Variants in HS3ST1 observed in about 807,000 individuals in gnomAD.
The protein encoded by HS3ST1 is heparan sulfate-glucosamine 3-sulfotransferase 1.
A neutral mutation model predicts 20.7 loss-of-function variants in HS3ST1; 8 were observed. That is an observed-to-expected ratio of 0.39 (90% CI 0.23 to 0.70). HS3ST1 has a LOEUF of 0.70. Ranked by LOEUF, HS3ST1 falls within the 30% of genes least tolerant of loss-of-function variation. The pLI, the probability that HS3ST1 is intolerant of heterozygous loss-of-function variation, is 0.46. For synonymous variants in HS3ST1, 205 were observed against 190.4 expected (o/e 1.08, Z -0.63); for missense variants, 436 against 423.4 (o/e 1.03, Z -0.26).
intron 1 of HS3ST1, among the ~76,000 whole-genome samples, chr4:11,413,015 T>C (rs1000357643): frequency 6.6e-6 from 1 of 152,026 alleles, no homozygotes; most frequent in Admixed American, 6.5e-5. Flanking sequence ...CAAGGAGAAT[T>C]CAGCAGGGGC....
chr4:11,414,304 T>A (rs556673519), intron 1 of HS3ST1: 1 of 151,862 alleles, frequency 6.6e-6, no homozygotes, highest in Admixed American at 6.6e-5. Flanking sequence ...TCTCTTTGAG[T>A]GTGTGTGTGT....
At position 11,393,317 on chromosome 4, in the gene HS3ST1, G is replaced by A. The variant is rs1474196899; in HGVS notation, c.*5765C>T. On this transcript the variant is annotated 3_prime_UTR_variant, in exon 2 of 2. Coordinates refer to ENST00000002596, the MANE Select transcript of HS3ST1 (RefSeq NM_005114.4). ...TTGGTAGTCCGATAAGCTAATAAAA[G>A]AGCCTACTACTTGGTAACAATTTCA... is the stretch of plus-strand genomic sequence containing the variant. The A allele has an allele frequency of 6.6e-6, 1 of 152,180 alleles. No individual in the cohort carries two copies. Among genetic ancestry groups the A allele is most frequent in the African/African-American group, 2.4e-5 (1 of 41,452 alleles). The allele number at this position is 152,180 out of a possible 1,614,324, so 9.4% of individuals were successfully genotyped here. A position where few individuals can be genotyped will look rare whatever the true frequency, so the allele number is the denominator to read the frequency against.
intron 1 of HS3ST1, among the ~76,000 whole-genome samples, chr4:11,426,456 G>C (rs993427592): frequency 4.6e-5 from 7 of 151,962 alleles, no homozygotes; most frequent in Non-Finnish European, 1.0e-4. Context: ...GGGACCCAGG[G>C]GGGGGGCTTG....
At chr4:11,423,583 G>C (rs544474994) in intron 1 of HS3ST1, among the ~76,000 whole-genome samples, 2 of 152,280 alleles carry the variant, frequency 1.3e-5, no homozygotes, top group African/African-American at 4.8e-5. Context: ...TCTGCTGGAA[G>C]ATAAGCACAA....
At position 11,398,913 on chromosome 4, in the gene HS3ST1, G is replaced by C; in HGVS notation, c.*169C>G. On this transcript the variant is annotated 3_prime_UTR_variant, in exon 2 of 2. Coordinates refer to ENST00000002596, the MANE Select transcript of HS3ST1 (RefSeq NM_005114.4). ...CAAAATGCCCTCCATTTAACAAGTA[G>C]AAAAATATAACTAGTATATATGGCA... 1.8e-6 allele frequency: 1 copy of C among 569,548 alleles called. No homozygotes were observed. The highest frequency in any genetic ancestry group is 3.0e-6 in the Non-Finnish European group (1 of 338,798). 35.3% of individuals were successfully genotyped at this position (569,548 alleles called of 1,614,324 possible).
chr4:11,402,363 G>T (rs1411799925), intron 1 of HS3ST1, among the ~76,000 whole-genome samples: 1 of 152,216 alleles, frequency 6.6e-6, no homozygotes, highest in Admixed American at 6.5e-5. Context: ...TGAGGTTTCA[G>T]GTTGGTTCTA....
chr4:11,410,257 G>T (rs977800313), intron 1 of HS3ST1, among the ~76,000 whole-genome samples: 4 of 152,124 alleles, frequency 2.6e-5, no homozygotes, highest in Admixed American at 2.6e-4. Context: ...AGGAATGAAT[G>T]ACTAGACCTC....
chr4:11,426,979 T>C (rs1263500331), intron 1 of HS3ST1, among the ~76,000 whole-genome samples: 3 of 152,200 alleles, frequency 2.0e-5, no homozygotes. Context: ...TTATTCTAAT[T>C]GCACCCAGTG....
chr4:11,410,764 C>T (rs570236359), intron 1 of HS3ST1, among the ~76,000 whole-genome samples: 17 of 152,010 alleles, frequency 1.1e-4, no homozygotes, highest in Non-Finnish European at 1.9e-4. Flanking sequence ...TGGTGGCACA[C>T]GCCTGTAATC....
In HS3ST1 at chr4:11,394,970, T is replaced by C. The variant is rs906198180; in HGVS notation, c.*4112A>G. On this transcript the variant is annotated 3_prime_UTR_variant, in exon 2 of 2. Transcript: ENST00000002596. Reference sequence around the variant, plus strand: ...CAGGAGCCAAATTCACATGGGTGCCTGCTAAGTAAGCTTCCAACACTCCAG... The same window carrying C: ...CAGGAGCCAAATTCACATGGGTGCCCGCTAAGTAAGCTTCCAACACTCCAG... 2.0e-5 allele frequency: 3 copies of C among 152,216 alleles called. No homozygotes were observed. Among genetic ancestry groups the C allele is most frequent in the African/African-American group, 7.2e-5 (3 of 41,458 alleles). 9.4% of individuals were successfully genotyped at this position (152,216 alleles called of 1,614,324 possible). A position where few individuals can be genotyped will look rare whatever the true frequency, so the allele number is the denominator to read the frequency against.
chr4:11,393,824 G>T lies in HS3ST1; in HGVS notation c.*5258C>A, dbSNP rs962876581. Reference sequence around the variant, plus strand: ...ATGCCCTAACCCTAGGAAAGCAGGGGAGTGGGGTGGACAACATTTCTCAGG... The same window carrying T: ...ATGCCCTAACCCTAGGAAAGCAGGGTAGTGGGGTGGACAACATTTCTCAGG... On this transcript the variant is annotated 3_prime_UTR_variant, in exon 2 of 2. Coordinates refer to ENST00000002596, the MANE Select transcript of HS3ST1 (RefSeq NM_005114.4). The T allele has an allele frequency of 6.6e-6, 1 of 152,262 alleles. No homozygotes were observed. Among genetic ancestry groups the T allele is most frequent in the African/African-American group, 2.4e-5 (1 of 41,428 alleles). 9.4% of individuals were successfully genotyped at this position (152,262 alleles called of 1,614,324 possible).
chr4:11,432,687 A>G (rs796188090), upstream of HS3ST1, among the ~76,000 whole-genome samples: 68 of 152,384 alleles, frequency 4.5e-4, no homozygotes, highest in African/African-American at 1.6e-3. Flanking sequence ...GCACTGTGTG[A>G]AAATGATATC....
chr4:11,415,658 G>T (rs2108887151), intron 1 of HS3ST1, among the ~76,000 whole-genome samples: 1 of 152,324 alleles, frequency 6.6e-6, no homozygotes, highest in South Asian at 2.1e-4. Flanking sequence ...ATTGATAGCT[G>T]TGCAGAGACA....
In HS3ST1 at chr4:11,399,231, C is replaced by T. The variant is rs750938470; in HGVS notation, c.775G>A (p.Asp259Asn). 1 of 1,614,054 alleles carries T rather than the reference C, an allele frequency of 6.2e-7. No individual in the cohort carries two copies. The change falls in exon 2 of 2, where the codon GAC becomes AAC. Residue 259 changes from aspartate (D) to asparagine (N), a missense_variant. Coordinates refer to ENST00000002596, the MANE Select transcript of HS3ST1 (RefSeq NM_005114.4). This position sits in a 1 kb window ranked among gnomAD's most constrained non-coding sequence, Gnocchi z 5.1. ...NKTKGFYCLR[D>N]SGRDRCLHES... ...TGTAAGCAGCGGTCCCGGCCGCTGT[C>T]CCGCAGGCAGTAAAAGCCCTTGGTT...
At chr4:11,421,666 C>T (rs910577828) in intron 1 of HS3ST1, among the ~76,000 whole-genome samples, 3 of 152,154 alleles carry the variant, frequency 2.0e-5, no homozygotes, top group East Asian at 1.9e-4. Flanking sequence ...AGTGGAAATT[C>T]GACAAGACAT....
rs1375467761 is a variant in HS3ST1, at chr4:11,395,512, C to G, written c.*3570G>C. ...TTTTTTTTTGAGATGGAGTCTTGCTCTGTTGCCCAGGCTGGAGTGCAGTGG... is the reference window on the plus strand; with the variant it reads ...TTTTTTTTTGAGATGGAGTCTTGCTGTGTTGCCCAGGCTGGAGTGCAGTGG... On this transcript the variant is annotated 3_prime_UTR_variant, in exon 2 of 2. Transcript: ENST00000002596. 1 of 100,438 alleles carries G rather than the reference C, an allele frequency of 1.0e-5. No individual in the cohort carries two copies. The highest frequency in any genetic ancestry group is 1.8e-5 in the Non-Finnish European group (1 of 55,274). The allele number at this position is 100,438 out of a possible 1,614,324, so 6.2% of individuals were successfully genotyped here. A position where few individuals can be genotyped will look rare whatever the true frequency, so the allele number is the denominator to read the frequency against.
At chr4:11,408,435 A>C (rs1317777955) in intron 1 of HS3ST1, among the ~76,000 whole-genome samples, 2 of 152,212 alleles carry the variant, frequency 1.3e-5, no homozygotes, top group Non-Finnish European at 2.9e-5. Context: ...CAGTGACTCA[A>C]CCAGACAGAA....
rs933209187 is a variant in HS3ST1, at chr4:11,400,087, C to G, written c.-82G>C. 5.6e-6 allele frequency: 8 copies of G among 1,429,308 alleles called. No homozygotes were observed. Among genetic ancestry groups the G allele is most frequent in the Admixed American group, 2.9e-5 (1 of 34,734 alleles). 88.5% of individuals were successfully genotyped at this position (1,429,308 alleles called of 1,614,324 possible). Reference sequence around the variant, plus strand: ...AGCAGGGAAGCCTCCTAGTCAGTGGCACATGGGCGTTTCAGGCCTTCAATT... The same window carrying G: ...AGCAGGGAAGCCTCCTAGTCAGTGGGACATGGGCGTTTCAGGCCTTCAATT... On this transcript the variant is annotated 5_prime_UTR_variant, in exon 2 of 2. Coordinates refer to ENST00000002596, the MANE Select transcript of HS3ST1 (RefSeq NM_005114.4).
chr4:11,402,300 G>A (rs1718346633), intron 1 of HS3ST1, among the ~76,000 whole-genome samples: 1 of 152,336 alleles, frequency 6.6e-6, no homozygotes, highest in East Asian at 1.9e-4. Context: ...GATCAGTGAT[G>A]TAACTCTTTA....
Sources: allele counts gnomAD v4.1 joint callset (sites outside exome capture counted in the v4.1 genomes callset), GRCh38; gene constraint gnomAD v4.1.1; non-coding constraint Gnocchi (gnomAD v3.1); transcripts MANE v1.5; gene names NCBI Gene and HGNC (gene_info 2026-07-23, HGNC 2026-07-21).